Variants in GSE1 observed in about 807,000 individuals in gnomAD.
GSE1 encodes Gse1 coiled-coil protein.
A neutral mutation model predicts 112.6 loss-of-function variants in GSE1; 32 were observed. That is an observed-to-expected ratio of 0.28 (90% CI 0.21 to 0.38). The LOEUF (loss-of-function observed/expected upper bound fraction) is 0.38, where lower values mean the gene tolerates loss of function less well. GSE1 is among the 10% of genes least tolerant of loss of function. GSE1 has a pLI of 1.00. For missense variants in GSE1, 2,348 were observed against 1,699.2 expected, an observed-to-expected ratio of 1.38 and a Z score of -6.71; for synonymous variants, 1,115 against 735.6, an observed-to-expected ratio of 1.52 and a Z score of -8.35.
At chr16:85,226,157 G>A (rs1447800799) in intron 1 of GSE1, among the ~76,000 whole-genome samples, 1 of 152,190 alleles carries the variant, frequency 6.6e-6, no homozygotes, top group Non-Finnish European at 1.5e-5. Context: ...CACTGAGAAG[G>A]TAGGCACGTC....
rs1302446526 is a variant in GSE1 at position 85,373,462 on chromosome 16, C to T, written c.2464+15819C>T. Reference sequence around the variant, plus strand: ...GGGGACGAGAACCTCTCCCCCTCCGCTGCTTTCCAGCTCAGCCTGTCTCCC... The same window carrying T: ...GGGGACGAGAACCTCTCCCCCTCCGTTGCTTTCCAGCTCAGCCTGTCTCCC... On this transcript the variant is annotated intron_variant, in intron 2 of 2. Transcript: ENST00000637419. The surrounding 1 kb of genome is among the most constrained non-coding windows in gnomAD (Gnocchi z 5.1). 3.3e-5 allele frequency among the ~76,000 whole-genome samples: 5 copies of T among 151,762 alleles called. No individual in the cohort carries two copies. The East Asian group carries it at 9.7e-4, about 29-fold the overall frequency.
At chr16:85,349,897 C>T (rs1054494568) in intron 1 of GSE1, among the ~76,000 whole-genome samples, 8 of 152,298 alleles carry the variant, frequency 5.3e-5, no homozygotes, top group Admixed American at 4.6e-4. Flanking sequence ...GCTGTACGGC[C>T]GCTAGGCGTG....
At chr16:85,371,021 C>T (rs888710316) in intron 2 of GSE1, among the ~76,000 whole-genome samples, 2 of 152,232 alleles carry the variant, frequency 1.3e-5, no homozygotes, top group South Asian at 4.1e-4. Context: ...CTGCTCCACA[C>T]CCTCGCGCTC....
At chr16:85,258,144 G>A (rs919216135) in intron 1 of GSE1, among the ~76,000 whole-genome samples, 9 of 152,196 alleles carry the variant, frequency 5.9e-5, no homozygotes, top group Admixed American at 5.9e-4. Context: ...CACCTAGAAG[G>A]CCAGCAGGCA....
intron 14 of GSE1, among the ~76,000 whole-genome samples, chr16:85,669,491 C>T (rs1188875367): frequency 6.6e-6 from 1 of 152,072 alleles, no homozygotes; most frequent in African/African-American, 2.4e-5. Flanking sequence ...ACATCAAATC[C>T]CGTATTTTGT....
At chr16:85,243,204 G>A (rs1177430338) in intron 1 of GSE1, among the ~76,000 whole-genome samples, 1 of 152,238 alleles carries the variant, frequency 6.6e-6, no homozygotes, top group Admixed American at 6.5e-5. Flanking sequence ...ACACACTTTG[G>A]CACTTAAAAC....
At chr16:85,433,588 CTGGA>C (rs57012969) in intron 2 of GSE1, among the ~76,000 whole-genome samples, 15,009 of 150,048 alleles carry the variant, frequency 0.1, 884 homozygotes, top group African/African-American at 0.17. Context: ...GAGAAGGATC[CTGGA>C]TGGATGGATG....
At chr16:85,237,842 A>C (rs539039795) in intron 1 of GSE1, among the ~76,000 whole-genome samples, 1,064 of 86,138 alleles carry the variant, frequency 0.012, 19 homozygotes, top group African/African-American at 0.032. Context: ...TGTCCCCCGC[A>C]AAAAAAAAGA....
At chr16:85,551,084 A>G (rs2044894297), upstream of GSE1, among the ~76,000 whole-genome samples, 1 of 151,654 alleles carries the variant, frequency 6.6e-6, no homozygotes, top group African/African-American at 2.4e-5. Flanking sequence ...AGTCTTTAAC[A>G]AGGGCTACCT....
intron 1 of GSE1, among the ~76,000 whole-genome samples, chr16:85,323,652 C>T (rs746760688): frequency 8.5e-5 from 13 of 152,174 alleles, no homozygotes; most frequent in Middle Eastern, 3.2e-3. Context: ...TGACTGCCCC[C>T]ACCCCTGATT....
chr16:85,235,836 G>A (rs1904579760), intron 1 of GSE1, among the ~76,000 whole-genome samples: 2 of 151,986 alleles, frequency 1.3e-5, no homozygotes, highest in Admixed American at 1.3e-4. Flanking sequence ...CTGACCTTAC[G>A]GGCGCCGGGG....
At chr16:85,180,352 C>T (rs2074556938) in intron 1 of GSE1, among the ~76,000 whole-genome samples, 1 of 152,126 alleles carries the variant, frequency 6.6e-6, no homozygotes, top group African/African-American at 2.4e-5. Flanking sequence ...CCAAAGGCGG[C>T]CCCTCAAAGG....
At chr16:85,611,362 C>T (rs2047970336), upstream of GSE1, 2 of 496,632 alleles carry the variant, frequency 4.0e-6, no homozygotes, top group Non-Finnish European at 5.2e-6. Flanking sequence ...CGGGTGAATC[C>T]GCCGGCCAGT....
intron 2 of GSE1, among the ~76,000 whole-genome samples, chr16:85,470,273 G>T (rs1468737914): frequency 1.3e-5 from 2 of 152,214 alleles, no homozygotes; most frequent in Admixed American, 6.5e-5. Flanking sequence ...CAGCCAGCGG[G>T]GGTCTTCCCA....
rs116707249 is a variant in GSE1 at position 85,617,102 on chromosome 16, C to T, written c.7+3704C>T. Among the ~76,000 whole-genome samples, 581 of 152,356 alleles carry T rather than the reference C, an allele frequency of 3.8e-3. 5 individuals are homozygous for T. The highest frequency in any genetic ancestry group is 0.013 in the African/African-American group (556 of 41,580). Reference sequence around the variant, plus strand: ...GTCCCTGTCCTAGCATGGGCCATCCCGTCTGCCTGGGATTCTCCCGTCTGC... The same window carrying T: ...GTCCCTGTCCTAGCATGGGCCATCCTGTCTGCCTGGGATTCTCCCGTCTGC... On this transcript the variant is annotated intron_variant, in intron 1 of 15. Coordinates refer to ENST00000253458, the MANE Select transcript of GSE1 (RefSeq NM_014615.5).
At chr16:85,282,748 T>C (rs1202317474) in intron 1 of GSE1, among the ~76,000 whole-genome samples, 1 of 152,274 alleles carries the variant, frequency 6.6e-6, no homozygotes, top group Non-Finnish European at 1.5e-5. Context: ...CGAGATTCAA[T>C]GTTATCACCT....
intron 2 of GSE1, among the ~76,000 whole-genome samples, chr16:85,457,295 C>T (rs1316629402): frequency 6.6e-6 from 1 of 152,220 alleles, no homozygotes; most frequent in Admixed American, 6.5e-5. Context: ...GAGAAGGGAG[C>T]ATGTCCATCT....
chr16:85,609,402 C>T (rs1039836273), upstream of GSE1, among the ~76,000 whole-genome samples: 2 of 152,208 alleles, frequency 1.3e-5, no homozygotes, highest in African/African-American at 2.4e-5. Flanking sequence ...CCCAGCTAAC[C>T]CTGGCCTCTC....
At chr16:85,273,051 C>T (rs1173048545) in intron 1 of GSE1, among the ~76,000 whole-genome samples, 2 of 152,242 alleles carry the variant, frequency 1.3e-5, no homozygotes. Context: ...GCTGGGATTA[C>T]AGGCGTGAGC....
Sources: gnomAD v4.1 joint callset for allele counts (sites outside exome capture counted in the v4.1 genomes callset) on GRCh38, gnomAD v4.1.1 for gene constraint, Gnocchi (gnomAD v3.1) non-coding constraint, MANE v1.5 for transcripts, NCBI Gene and HGNC (gene_info 2026-07-23, HGNC 2026-07-21) for gene names.